Variants in DNAH5 observed in about 807,000 individuals in gnomAD.
DNAH5 encodes the protein axonemal beta dynein heavy chain 5.
DNAH5 carries 372 observed loss-of-function variants against 518.2 expected under a neutral mutation model. That is an observed-to-expected ratio of 0.72 (90% CI 0.66 to 0.78). The LOEUF (loss-of-function observed/expected upper bound fraction) is 0.78. Ranked by LOEUF, DNAH5 falls within the 30% of genes least tolerant of loss-of-function variation. The probability of loss-of-function intolerance (pLI) is 0.00; values close to 1 mark genes in which losing one functional copy is unlikely to be tolerated. For missense variants in DNAH5, 5,523 were observed against 5,687.0 expected (o/e 0.97, Z 0.93); for synonymous variants, 2,039 against 2,025.9 (o/e 1.01, Z -0.17).
intron 76 of DNAH5, among the ~76,000 whole-genome samples, chr5:13,702,632 C>G (rs4701975): frequency 0.99 from 151,049 of 152,210 alleles, 74,951 homozygotes; most frequent in East Asian, 1. Context: ...AATTCAGATA[C>G]AAAACTCTCT....
At chr5:13,991,563 G>A (rs1338262017) in intron 1 of DNAH5, among the ~76,000 whole-genome samples, 1 of 146,460 alleles carries the variant, frequency 6.8e-6, no homozygotes, top group Non-Finnish European at 1.5e-5. Context: ...AGAGGAGGAG[G>A]AGGAAGAGGA....
At chr5:13,694,022 A>T (rs901351551) in intron 78 of DNAH5, among the ~76,000 whole-genome samples, 11 of 152,248 alleles carry the variant, frequency 7.2e-5, no homozygotes, top group African/African-American at 2.7e-4. Context: ...CTTTAATCCT[A>T]GGATCTTTAA....
intron 1 of DNAH5, among the ~76,000 whole-genome samples, chr5:13,955,606 A>T (rs552428392): frequency 6.6e-6 from 1 of 152,348 alleles, no homozygotes; most frequent in South Asian, 2.1e-4. Context: ...AGTTGAAAAC[A>T]GCAGTCTCCT....
At chr5:13,994,176 G>A (rs746759772) in intron 1 of DNAH5, among the ~76,000 whole-genome samples, 4 of 152,088 alleles carry the variant, frequency 2.6e-5, no homozygotes, top group Non-Finnish European at 4.4e-5. Context: ...GCCACCCACC[G>A]GCTGGCCCTA....
At position 13,807,725 on chromosome 5, in the gene DNAH5, C is replaced by T. The variant is rs1350281690; in HGVS notation, c.7753G>A (p.Ala2585Thr). The change falls in exon 47 of 79, where the codon GCT (alanine) becomes ACT (threonine). Residue 2585 changes from alanine (A) to threonine (T), a missense_variant and splice_region_variant. By Grantham distance (58) the Ala-to-Thr change is moderately conservative (BLOSUM62 0). Coordinates refer to ENST00000265104, the MANE Select transcript of DNAH5 (RefSeq NM_001369.3). ...LIQTIAKQGK[A>T]VLLIGEQGTA... ...CCTTGTTCACCAATTAATAGCACAGCCTAAAATAGAGGGAATTGAAAAAAA... is the reference window on the plus strand; with the variant it reads ...CCTTGTTCACCAATTAATAGCACAGTCTAAAATAGAGGGAATTGAAAAAAA... 1.2e-6 allele frequency: 2 copies of T among 1,603,114 alleles called. No individual in the cohort carries two copies. The highest frequency in any genetic ancestry group is 1.7e-6 in the Non-Finnish European group (2 of 1,173,218).
At chr5:13,841,508 G>C (rs1455169352) in intron 33 of DNAH5, among the ~76,000 whole-genome samples, 184 bp downstream of exon 33, 3 of 152,108 alleles carry the variant, frequency 2.0e-5, no homozygotes, top group Admixed American at 6.6e-5. Context: ...TAAGTCTATA[G>C]ATATATGACC....
Position 13,891,091 on chromosome 5 carries a change from T to C in DNAH5, c.2462A>G (p.Asn821Ser), listed in dbSNP as rs750670743. The C allele has an allele frequency of 4.1e-5, 66 of 1,613,994 alleles. No individual in the cohort carries two copies. Among genetic ancestry groups the C allele is most frequent in the East Asian group, 6.7e-5 (3 of 44,882 alleles). The part of the protein sequence containing the change: ...KDLELLLDRV[N>S]DLIEFRIDAI... ...ATCAATGCGGAACTCAATCAAATCA[T>C]TGACCCTGTCAAGCAGCAACTCCAG... is the stretch of plus-strand genomic sequence containing the variant. Residue 821 changes from asparagine to serine, a missense_variant, in exon 17 of 79, where the codon AAT becomes AGT. Asn to Ser is a conservative substitution (Grantham distance 46, BLOSUM62 1). Around this residue, in one of 3 missense-constraint regions of DNAH5, gnomAD observed 5,121 missense variants for 5,223.3 expected, o/e 0.98. Coordinates refer to ENST00000265104, the MANE Select transcript of DNAH5 (RefSeq NM_001369.3).
At chr5:14,006,441 G>C (rs930803711) in intron 1 of DNAH5, among the ~76,000 whole-genome samples, 2 of 152,224 alleles carry the variant, frequency 1.3e-5, no homozygotes, top group Non-Finnish European at 2.9e-5. Context: ...TTAAGGTTTG[G>C]TTTCTTCTGA....
chr5:13,776,822 G>T, intron 54 of DNAH5, 116 bp from the exon 55 acceptor site: 1 of 1,156,314 alleles, frequency 8.6e-7, no homozygotes, highest in Non-Finnish European at 1.3e-6. Context: ...CTCACCTACA[G>T]AAAATTGAAA....
rs1398451557 is a variant in DNAH5 at position 13,789,038 on chromosome 5, G to A, written c.8449-124C>T. The stretch of plus-strand genomic sequence containing the variant: ...AGATTCAACATTTTAAAAAGTTAGG[G>A]TTCAAATATGCTCAACTTCACTTCA... On this transcript the variant is annotated intron_variant, in intron 50 of 78. Coordinates refer to ENST00000265104, the MANE Select transcript of DNAH5 (RefSeq NM_001369.3). The A allele has an allele frequency of 2.9e-5, 24 of 823,596 alleles. No homozygotes were observed. The South Asian group carries it at 4.0e-4, about 14-fold the overall frequency. The allele number at this position is 823,596 out of a possible 1,614,324, so 51.0% of individuals were successfully genotyped here. A position where few individuals can be genotyped will look rare whatever the true frequency, so the allele number is the denominator to read the frequency against.
intron 24 of DNAH5, among the ~76,000 whole-genome samples, chr5:13,870,199 A>C (rs1478238614): frequency 6.6e-6 from 1 of 152,146 alleles, no homozygotes; most frequent in African/African-American, 2.4e-5. Flanking sequence ...GTTACTGCAT[A>C]TATGGACACT....
chr5:13,820,814 T>C lies in DNAH5; in HGVS notation c.6688-315A>G, dbSNP rs548127817. On this transcript the variant is annotated intron_variant, in intron 40 of 78. Transcript: ENST00000265104. ...CACTCCAGCCTGGGCAACAGAGCAA[T>C]ACTCCGTCTCAAAAAAAAAAAAAAA... 1.9e-4 allele frequency among the ~76,000 whole-genome samples: 20 copies of C among 107,012 alleles called. No individual in the cohort carries two copies. In the East Asian group the frequency reaches 4.7e-3, roughly 25 times the overall value. 70.2% of individuals were successfully genotyped at this position (107,012 alleles called of 152,430 possible).
Position 13,793,920 on chromosome 5 carries a change from A to T in DNAH5, c.8010+16T>A. 6.2e-7 allele frequency: 1 copy of T among 1,613,870 alleles called. No individual in the cohort carries two copies. Among genetic ancestry groups the T allele is most frequent in the Non-Finnish European group, 8.5e-7 (1 of 1,179,868 alleles). On this transcript the variant is annotated intron_variant, in intron 48 of 78. Transcript: ENST00000265104. ...ACCAAATTAAAGAAATAAAATGCACAATAGAATGATGATACCTGATCTCCC... is the reference window on the plus strand; with the variant it reads ...ACCAAATTAAAGAAATAAAATGCACTATAGAATGATGATACCTGATCTCCC...
chr5:13,805,369 A>G (rs1759425093), intron 47 of DNAH5, among the ~76,000 whole-genome samples: 1 of 152,112 alleles, frequency 6.6e-6, no homozygotes. Flanking sequence ...GTGGTAGCCC[A>G]TGCCTATAAT....
intron 66 of DNAH5, 60 bp downstream of exon 66, chr5:13,737,192 A>G (rs1227220980): frequency 1.2e-6 from 2 of 1,608,710 alleles, no homozygotes; most frequent in Non-Finnish European, 1.7e-6. Flanking sequence ...CATTTCTCTA[A>G]TTCTCATTCC....
At chr5:13,938,762 T>C (rs1223695918) in intron 1 of DNAH5, among the ~76,000 whole-genome samples, 1 of 152,116 alleles carries the variant, frequency 6.6e-6, no homozygotes, top group Non-Finnish European at 1.5e-5. Flanking sequence ...TGGCTGTCAA[T>C]GTCAACCTCA....
At chr5:13,782,193 A>T (rs1580211438) in intron 52 of DNAH5, among the ~76,000 whole-genome samples, 1 of 152,102 alleles carries the variant, frequency 6.6e-6, no homozygotes, top group African/African-American at 2.4e-5. Context: ...CAGGGACTGG[A>T]AGGGGTCACT....
At chr5:13,857,691 G>T (rs1405814500) in intron 30 of DNAH5, among the ~76,000 whole-genome samples, 2 of 152,036 alleles carry the variant, frequency 1.3e-5, no homozygotes, top group Admixed American at 1.3e-4. Flanking sequence ...CAGAACAGAA[G>T]CTTCAGAAAT....
At chr5:13,756,654 T>A (rs1751033367) in intron 61 of DNAH5, among the ~76,000 whole-genome samples, 1 of 152,230 alleles carries the variant, frequency 6.6e-6, no homozygotes, top group Non-Finnish European at 1.5e-5. Context: ...ATAAGTGAAT[T>A]TTATGAGGCA....
Sources: gnomAD v4.1 joint callset for allele counts (sites outside exome capture counted in the v4.1 genomes callset) on GRCh38, gnomAD v4.1.1 for gene constraint, gnomAD v4.1.1 regional missense constraint, MANE v1.5 for transcripts, NCBI Gene and HGNC (gene_info 2026-07-23, HGNC 2026-07-21) for gene names.